The following TRANK1 variants were observed in gnomAD, a reference collection of about 807,000 sequenced individuals.
TRANK1 encodes the protein tetratricopeptide repeat and ankyrin repeat containing 1, also known as TPR and ankyrin repeat-containing protein 1.
In TRANK1, 198 loss-of-function variants were observed where a neutral mutation model predicts 266.0. That is an observed-to-expected ratio of 0.74 (90% CI 0.66 to 0.84). TRANK1 has a LOEUF of 0.84. Ranked by LOEUF, TRANK1 falls within the 40% of genes least tolerant of loss-of-function variation. The pLI is 0.00. For missense variants in TRANK1, 3,326 were observed against 3,634.6 expected (o/e 0.92, Z 2.18); for synonymous variants, 1,396 against 1,384.1 (o/e 1.01, Z -0.19).
intron 1 of TRANK1, among the ~76,000 whole-genome samples, chr3:36,916,757 A>G (rs1383170415): frequency 6.6e-6 from 1 of 152,094 alleles, no homozygotes; most frequent in Non-Finnish European, 1.5e-5. Flanking sequence ...TTTGCATTAC[A>G]GAAACAGGGG....
chr3:36,843,088 A>G (rs186882342), intron 17 of TRANK1, among the ~76,000 whole-genome samples: 1 of 152,330 alleles, frequency 6.6e-6, no homozygotes, highest in Admixed American at 6.5e-5. Context: ...TTGGACTTCT[A>G]GCCTTCAGAA....
rs184476193 is a variant in TRANK1 at position 36,873,834 on chromosome 3, T to A, written c.1078+292A>T. 4.0e-3 allele frequency among the ~76,000 whole-genome samples: 603 copies of A among 150,162 alleles called. 1 individual carries two copies. Among genetic ancestry groups the A allele is most frequent in the African/African-American group, 0.014 (581 of 41,170 alleles). On this transcript the variant is annotated intron_variant, in intron 9 of 23. Transcript: ENST00000645898. ...TCATATTCTGTCTAATTTTTTTCCT[T>A]TTTTTGCTGTGTACATGCATGGGAA...
chr3:36,857,144 T>C lies in TRANK1; in HGVS notation c.2578A>G (p.Ile860Val). The change falls in exon 13 of 24, where the codon ATC becomes GTC. Residue 860 changes from isoleucine to valine, a missense_variant. Ile to Val is a conservative substitution (Grantham distance 29, BLOSUM62 3). Coordinates refer to ENST00000645898, the MANE Select transcript of TRANK1 (RefSeq NM_001329998.2). The surrounding 1 kb of genome is among the most constrained non-coding windows in gnomAD (Gnocchi z 4.3). ...VMTKVIKKKIILAIQQLGNGE... is the reference protein window; with the variant it reads ...VMTKVIKKKIVLAIQQLGNGE... ...TTTCCCAGCTGCTGAATGGCAAGGA[T>C]GATTTTCTTCTTGATGACCTTGGTC... The C allele has an allele frequency of 6.2e-7, 1 of 1,613,972 alleles. No individual in the cohort carries two copies. The highest frequency in any genetic ancestry group is 8.5e-7 in the Non-Finnish European group (1 of 1,179,890).
chr3:36,864,543 A>G (rs967522062), intron 9 of TRANK1, 63 bp from the exon 10 acceptor site: 8 of 1,425,734 alleles, frequency 5.6e-6, no homozygotes, highest in Non-Finnish European at 7.4e-6. Flanking sequence ...AGATTGCAAA[A>G]ATAACCACAA....
intron 1 of TRANK1, among the ~76,000 whole-genome samples, chr3:36,930,490 C>T (rs999360542): frequency 1.6e-4 from 24 of 152,160 alleles, no homozygotes; most frequent in Admixed American, 2.6e-4. Context: ...ATAATAAATT[C>T]ATGTTGTTTT....
At chr3:36,850,161 C>G in intron 15 of TRANK1, 5 of 985,424 alleles carry the variant, frequency 5.1e-6, no homozygotes, top group Non-Finnish European at 6.0e-6. Context: ...TACCCTTCCT[C>G]TTTTAGGAGA....
At chr3:36,941,475 T>C (rs2080495870) in intron 1 of TRANK1, among the ~76,000 whole-genome samples, 1 of 152,184 alleles carries the variant, frequency 6.6e-6, no homozygotes, top group Non-Finnish European at 1.5e-5. Context: ...CAGGGTATCT[T>C]AGGCAAAGGT....
chr3:36,833,457 GTC>G lies in TRANK1; in HGVS notation c.6124_6125del (p.Asp2042LeufsTer12), dbSNP rs1458570850. 6.2e-7 allele frequency: 1 copy of G among 1,613,756 alleles called. No individual in the cohort carries two copies. The highest frequency in any genetic ancestry group is 1.3e-5 in the African/African-American group (1 of 74,932). On this transcript the variant is annotated frameshift_variant, in exon 22 of 24. Coordinates refer to ENST00000645898, the MANE Select transcript of TRANK1 (RefSeq NM_001329998.2). LOFTEE classifies it high-confidence loss of function. ...AHFLQGVILR[D>X]FQKLRDAFFK... ...AGAAGGCATCCCTGAGCTTCTGAAAGTCTCTCAGGATTACCCCTTGCAGGAAG... is the reference window on the plus strand; with the variant it reads ...AGAAGGCATCCCTGAGCTTCTGAAAGTCTCAGGATTACCCCTTGCAGGAAG...
At chr3:36,911,924 C>T (rs944971635) in intron 1 of TRANK1, among the ~76,000 whole-genome samples, 37 of 152,144 alleles carry the variant, frequency 2.4e-4, no homozygotes, top group African/African-American at 8.7e-4. Flanking sequence ...CAGTGGCTCA[C>T]GCCTGTAAAC....
intron 3 of TRANK1, among the ~76,000 whole-genome samples, chr3:36,900,843 C>A (rs1367403973): frequency 5.3e-5 from 1 of 18,700 alleles, no homozygotes; most frequent in Non-Finnish European, 1.3e-4. Flanking sequence ...CAAAGCAAGA[C>A]CCTGTCTCAA....
intron 21 of TRANK1, 92 bp downstream of exon 21, chr3:36,834,670 A>C: frequency 7.0e-7 from 1 of 1,438,366 alleles, no homozygotes; most frequent in Admixed American, 2.2e-5. Flanking sequence ...AAACCATGTC[A>C]GAAGCAGCAG....
chr3:36,879,920 G>A (rs193039419), intron 8 of TRANK1, among the ~76,000 whole-genome samples: 1,252 of 27,084 alleles, frequency 0.046, 309 homozygotes, highest in Middle Eastern at 0.062. Flanking sequence ...GCAAATATAT[G>A]TAAACATGCA....
intron 1 of TRANK1, among the ~76,000 whole-genome samples, chr3:36,909,780 T>C (rs1029506250): frequency 2.2e-4 from 33 of 152,230 alleles, no homozygotes; most frequent in African/African-American, 7.7e-4. Flanking sequence ...CTCCACTTCT[T>C]AAGCAGAGCT....
chr3:36,879,549 T>A lies in TRANK1; in HGVS notation c.908-5253A>T, dbSNP rs143813773. On this transcript the variant is annotated intron_variant, in intron 8 of 23. Transcript: ENST00000645898. ...AAGACCCAGATTTTGTATAAATATATCTATATAAATATATAAATATATAAA... is the reference window on the plus strand; with the variant it reads ...AAGACCCAGATTTTGTATAAATATAACTATATAAATATATAAATATATAAA... Among the ~76,000 whole-genome samples the A allele has an allele frequency of 5.6e-4, 75 of 133,718 alleles. 1 individual carries two copies. Among genetic ancestry groups the A allele is most frequent in the African/African-American group, 2.0e-3 (67 of 33,880 alleles). The allele number at this position is 133,718 out of a possible 152,430, so 87.7% of individuals were successfully genotyped here. A position where few individuals can be genotyped will look rare whatever the true frequency, so the allele number is the denominator to read the frequency against.
Position 36,934,139 on chromosome 3 carries a change from C to T in TRANK1, c.23+10648G>A, listed in dbSNP as rs1559481288. On this transcript the variant is annotated intron_variant, in intron 1 of 23. Coordinates refer to ENST00000645898, the MANE Select transcript of TRANK1 (RefSeq NM_001329998.2). ...GCAGGCCAGGGCCTTGTGTGTGCTC[C>T]ATGGGCCAGACCTGCCAGGACAAGG... is the stretch of plus-strand genomic sequence containing the variant. 2.0e-5 allele frequency among the ~76,000 whole-genome samples: 3 copies of T among 152,240 alleles called. No homozygotes were observed. The South Asian group carries it at 6.2e-4, about 32-fold the overall frequency.
At position 36,856,019 on chromosome 3, in the gene TRANK1, G is replaced by A. The variant is rs2079047299; in HGVS notation, c.3703C>T (p.Leu1235=). Residue 1235 remains leucine, a synonymous_variant, in exon 13 of 24, where the codon CTG becomes TTG. Coordinates refer to ENST00000645898, the MANE Select transcript of TRANK1 (RefSeq NM_001329998.2). The stretch of plus-strand genomic sequence containing the variant: ...AACAGAGGAAAGTTCTCGTCCCTCA[G>A]GTCCTGGAGTTTGTGAATGTTGGGG... ...LDPNIHKLQD[L]RDENFPLFVT... 1.2e-6 allele frequency: 2 copies of A among 1,613,658 alleles called. No individual in the cohort carries two copies. Among genetic ancestry groups the A allele is most frequent in the African/African-American group, 1.3e-5 (1 of 74,832 alleles).
chr3:36,900,868 A>AAAAAAAAAAAAAAAAAAAAAAAAAAAAAC (rs1385314791), intron 3 of TRANK1, among the ~76,000 whole-genome samples: 3 of 148,204 alleles, frequency 2.0e-5, no homozygotes, highest in Non-Finnish European at 4.5e-5. Flanking sequence ...AAAAAAAAAA[A>AAAAAAAAAAAAAAAAAAAAAAAAAAAAAC]AAAAAAAAGA....
At position 36,851,766 on chromosome 3, in the gene TRANK1, A is replaced by G. The variant is rs763149778; in HGVS notation, c.4840T>C (p.Leu1614=). ...TAAAGGAGGACATCATCAAATTCTA[A>G]GCCTTTTGCTTCATAAATTGTTAGC... is the stretch of plus-strand genomic sequence containing the variant. ...LVLTIYEAKG[L]EFDDVLLYNF... Residue 1614 remains leucine, a synonymous_variant, in exon 15 of 24, where the codon TTA becomes CTA. Coordinates refer to ENST00000645898, the MANE Select transcript of TRANK1 (RefSeq NM_001329998.2). 22 of 1,613,404 alleles carry G rather than the reference A, an allele frequency of 1.4e-5. No homozygotes were observed. The Admixed American group carries it at 2.0e-4, about 15-fold the overall frequency.
chr3:36,844,641 G>C (rs796298146), intron 17 of TRANK1, among the ~76,000 whole-genome samples: 16 of 152,336 alleles, frequency 1.1e-4, no homozygotes, highest in African/African-American at 3.6e-4. Flanking sequence ...CTTTGGGAGA[G>C]AAGGTGGGAC....
Sources: allele counts gnomAD v4.1 joint callset (sites outside exome capture counted in the v4.1 genomes callset), GRCh38; gene constraint gnomAD v4.1.1; non-coding constraint Gnocchi (gnomAD v3.1); transcripts MANE v1.5; gene names NCBI Gene and HGNC (gene_info 2026-07-23, HGNC 2026-07-21).